The following CSMD3 variants were observed in gnomAD, a reference collection of about 807,000 sequenced individuals.
The protein encoded by CSMD3 is CUB and Sushi multiple domains 3.
A neutral mutation model predicts 435.2 loss-of-function variants in CSMD3; 177 were observed. That is an observed-to-expected ratio of 0.41 (90% confidence interval 0.36 to 0.46). The LOEUF (loss-of-function observed/expected upper bound fraction) is 0.46, where lower values mean the gene tolerates loss of function less well. CSMD3 is among the 20% of genes least tolerant of loss of function. The pLI is 0.34. For synonymous variants in CSMD3, 1,656 were observed against 1,520.5 expected, an observed-to-expected ratio of 1.09 and a Z score of -2.07; for missense variants, 4,265 against 4,504.6, an observed-to-expected ratio of 0.95 and a Z score of 1.52.
chr8:112,761,394 TCTTTTAG>T (rs1361072314), intron 13 of CSMD3, among the ~76,000 whole-genome samples: 1 of 152,184 alleles, frequency 6.6e-6, no homozygotes. Flanking sequence ...GCTAATTTAT[TCTTTTAG>T]CTCCTTTTCA....
intron 1 of CSMD3, among the ~76,000 whole-genome samples, chr8:113,431,716 T>G (rs958034260): frequency 7.7e-6 from 1 of 130,640 alleles, no homozygotes; most frequent in Non-Finnish European, 1.6e-5. Flanking sequence ...AAGGTCAGAG[T>G]TTTTTTTTTT....
intron 3 of CSMD3, among the ~76,000 whole-genome samples, chr8:113,201,789 T>C (rs1224418636): frequency 6.6e-6 from 1 of 152,070 alleles, no homozygotes; most frequent in Non-Finnish European, 1.5e-5. Context: ...AATCAGAGTA[T>C]TGCATGATTC....
chr8:112,589,560 AT>A (rs1178891362), intron 22 of CSMD3, among the ~76,000 whole-genome samples: 1 of 152,214 alleles, frequency 6.6e-6, no homozygotes, highest in Non-Finnish European at 1.5e-5. Flanking sequence ...CCCAGCAAAA[AT>A]ATCATAACTT....
chr8:113,006,442 G>A (rs952037558), intron 6 of CSMD3, among the ~76,000 whole-genome samples: 1 of 151,996 alleles, frequency 6.6e-6, no homozygotes, highest in Non-Finnish European at 1.5e-5. Flanking sequence ...GTGGAAGAGT[G>A]ATACCTTTTA....
chr8:112,779,566 C>G (rs112595905), intron 13 of CSMD3, among the ~76,000 whole-genome samples: 2,915 of 152,060 alleles, frequency 0.019, 53 homozygotes, highest in Middle Eastern at 0.048. Context: ...TTCAGCCCAT[C>G]ACAGAGTTGT....
chr8:112,872,629 C>T (rs928458920), intron 10 of CSMD3, among the ~76,000 whole-genome samples: 6 of 151,862 alleles, frequency 4.0e-5, no homozygotes, highest in South Asian at 2.1e-4. Flanking sequence ...TTATCTACAG[C>T]GCTGCCTCCC....
chr8:112,571,860 ACT>A (rs1829546652), intron 24 of CSMD3, among the ~76,000 whole-genome samples: 1 of 150,196 alleles, frequency 6.7e-6, no homozygotes, highest in Non-Finnish European at 1.5e-5. Context: ...CAAGACTGAA[ACT>A]CTGTCTCAAA....
chr8:112,681,255 T>A lies in CSMD3; in HGVS notation c.2677+1187A>T, dbSNP rs545368610. 1.5e-4 allele frequency among the ~76,000 whole-genome samples: 23 copies of A among 151,738 alleles called. 1 individual carries two copies. The highest frequency in any genetic ancestry group is 5.3e-4 in the African/African-American group (22 of 41,492). ...TTTTAGTAGAGACGGGGTTTCATCA[T>A]GTTGGCCAGAATGGTCTCAATCTCC... On this transcript the variant is annotated intron_variant, in intron 16 of 70. Coordinates refer to ENST00000297405, the MANE Select transcript of CSMD3 (RefSeq NM_198123.2).
At chr8:112,795,733 T>G (rs1362033744) in intron 13 of CSMD3, among the ~76,000 whole-genome samples, 2 of 152,062 alleles carry the variant, frequency 1.3e-5, no homozygotes, top group Non-Finnish European at 2.9e-5. Context: ...AGTAAACACA[T>G]GTTTGTTTAA....
intron 19 of CSMD3, among the ~76,000 whole-genome samples, 180 bp from the exon 20 acceptor site, chr8:112,645,405 T>C (rs575572001): frequency 6.6e-6 from 1 of 152,320 alleles, no homozygotes; most frequent in South Asian, 2.1e-4. Context: ...ATCTGAGAAT[T>C]AGTGCAGTCC....
intron 12 of CSMD3, 93 bp from the exon 13 acceptor site, chr8:112,800,367 T>C (rs1563973348): frequency 1.1e-6 from 1 of 887,634 alleles, no homozygotes; most frequent in Non-Finnish European, 1.9e-6. Context: ...AATACTTTCT[T>C]TGCTAGAAAA....
chr8:113,208,596 G>A (rs1183548206), intron 3 of CSMD3, among the ~76,000 whole-genome samples: 3 of 151,602 alleles, frequency 2.0e-5, no homozygotes, highest in South Asian at 2.1e-4. Context: ...TGATCATTTC[G>A]CACAGATAAC....
chr8:113,398,522 T>A (rs2094494454), intron 1 of CSMD3, among the ~76,000 whole-genome samples: 1 of 152,146 alleles, frequency 6.6e-6, no homozygotes, highest in African/African-American at 2.4e-5. Context: ...ATTGTCGACA[T>A]CCCAAAAAAT....
chr8:113,428,585 G>A (rs1050591556), intron 1 of CSMD3, among the ~76,000 whole-genome samples: 5 of 151,692 alleles, frequency 3.3e-5, no homozygotes, highest in East Asian at 1.9e-4. Flanking sequence ...GGAAGAAAAG[G>A]GAGAAAAGAA....
intron 45 of CSMD3, among the ~76,000 whole-genome samples, chr8:112,325,901 G>T (rs142694845): frequency 1.3e-5 from 2 of 152,080 alleles, no homozygotes; most frequent in African/African-American, 4.8e-5. Context: ...GCAGTTATGA[G>T]AATCAAATGG....
At chr8:113,084,936 A>ATC (rs953217002) in intron 5 of CSMD3, among the ~76,000 whole-genome samples, 1 of 152,042 alleles carries the variant, frequency 6.6e-6, no homozygotes, top group Non-Finnish European at 1.5e-5. Flanking sequence ...TTAGACCCAT[A>ATC]TCTCTCTCTA....
At chr8:112,715,183 A>C (rs2131939848) in intron 13 of CSMD3, among the ~76,000 whole-genome samples, 1 of 152,268 alleles carries the variant, frequency 6.6e-6, no homozygotes, top group Non-Finnish European at 1.5e-5. Context: ...TAGCTACACT[A>C]ATGAAGGAGA....
At chr8:112,383,999 C>T (rs944696528) in intron 36 of CSMD3, among the ~76,000 whole-genome samples, 6 of 152,088 alleles carry the variant, frequency 3.9e-5, no homozygotes, top group Non-Finnish European at 5.9e-5. Flanking sequence ...TCAAAACAAT[C>T]GGTGAATTTT....
At chr8:113,159,649 T>A (rs1212301728) in intron 4 of CSMD3, among the ~76,000 whole-genome samples, 4 of 152,044 alleles carry the variant, frequency 2.6e-5, no homozygotes, top group Non-Finnish European at 5.9e-5. Context: ...GGTTTCTTCA[T>A]ATGTACTTCT....
Sources: allele counts gnomAD v4.1 joint callset (sites outside exome capture counted in the v4.1 genomes callset), GRCh38; gene constraint gnomAD v4.1.1; transcripts MANE v1.5; gene names NCBI Gene and HGNC (gene_info 2026-07-23, HGNC 2026-07-21).